Variants in TAF11 observed in about 807,000 individuals in gnomAD.
TAF11 encodes TATA-box binding protein associated factor 11.
TAF11 carries 10 observed loss-of-function variants against 23.0 expected under a neutral mutation model. That is an observed-to-expected ratio of 0.43 (90% CI 0.27 to 0.74). The LOEUF is 0.74. Ranked by LOEUF, TAF11 falls within the 30% of genes least tolerant of loss-of-function variation. The pLI is 0.19. For synonymous variants in TAF11, 85 were observed against 95.8 expected, an observed-to-expected ratio of 0.89 and a Z score of 0.66; for missense variants, 196 against 261.7, an observed-to-expected ratio of 0.75 and a Z score of 1.73.
intron 2 of TAF11, among the ~76,000 whole-genome samples, chr6:34,882,684 A>T (rs990679404): frequency 6.6e-6 from 1 of 152,038 alleles, no homozygotes; most frequent in Non-Finnish European, 1.5e-5. Context: ...ACATAACATA[A>T]CATTAGAGAA....
intron 1 of TAF11, among the ~76,000 whole-genome samples, chr6:34,884,001 T>C (rs561818713): frequency 4.6e-5 from 7 of 152,334 alleles, no homozygotes; most frequent in African/African-American, 1.7e-4. Flanking sequence ...AGGAAGGCAG[T>C]GTGACAATTC....
chr6:34,880,320 C>A lies in TAF11; in HGVS notation c.377G>T (p.Arg126Leu). ...EQLNRYEMYR[R>L]SAFPKAAIKR... The stretch of plus-strand genomic sequence containing the variant: ...GATGGCTGCCTTAGGGAAAGCTGAG[C>A]GGCGATACATTTCATAACGGTTCAG... Residue 126 changes from arginine to leucine, a missense_variant, in exon 3 of 5, where the codon CGC (arginine) becomes CTC (leucine). Physicochemically the swap from Arg to Leu is moderately radical, Grantham distance 102 (BLOSUM62 -2). Transcript: ENST00000361288. This position sits in a 1 kb window ranked among gnomAD's most constrained non-coding sequence, Gnocchi z 4.8. 1 of 1,613,988 alleles carries A rather than the reference C, an allele frequency of 6.2e-7. No individual in the cohort carries two copies. Among genetic ancestry groups the A allele is most frequent in the Non-Finnish European group, 8.5e-7 (1 of 1,180,004 alleles).
chr6:34,883,194 T>C, intron 1 of TAF11, 114 bp from the exon 2 acceptor site: 1 of 1,085,984 alleles, frequency 9.2e-7, no homozygotes, highest in Non-Finnish European at 1.3e-6. Flanking sequence ...GAGTAGTTTT[T>C]CAGTTCTAGG....
At chr6:34,886,410 CAAAA>C (rs201715300) in intron 1 of TAF11, among the ~76,000 whole-genome samples, 1 of 151,612 alleles carries the variant, frequency 6.6e-6, no homozygotes. Context: ...AAAAAACAAA[CAAAA>C]AACCTGCCTT....
intron 4 of TAF11, chr6:34,879,484 A>G: frequency 1.0e-6 from 1 of 973,508 alleles, no homozygotes. Context: ...AAAAAATAAT[A>G]ATAATTTAAA....
Position 34,878,432 on chromosome 6 carries a change from T to G in TAF11, c.*158A>C. 1.6e-6 allele frequency: 1 copy of G among 636,736 alleles called. No homozygotes were observed. Among genetic ancestry groups the G allele is most frequent in the South Asian group, 1.9e-5 (1 of 53,198 alleles). 39.4% of individuals were successfully genotyped at this position (636,736 alleles called of 1,614,324 possible). A position where few individuals can be genotyped will look rare whatever the true frequency, so the allele number is the denominator to read the frequency against. On this transcript the variant is annotated 3_prime_UTR_variant, in exon 5 of 5. Coordinates refer to ENST00000361288, the MANE Select transcript of TAF11 (RefSeq NM_005643.4). ...CAAGTATCAATCAGGCTACATACTT[T>G]CTAGGTGTGACAAATATCAGAGTTT...
intron 1 of TAF11, among the ~76,000 whole-genome samples, chr6:34,883,724 T>G (rs997223258): frequency 1.3e-5 from 2 of 152,220 alleles, no homozygotes; most frequent in East Asian, 1.9e-4. Flanking sequence ...TTATGCTGGA[T>G]GTTTAATAAA....
intron 1 of TAF11, among the ~76,000 whole-genome samples, chr6:34,884,209 A>G (rs1766492134): frequency 6.6e-6 from 1 of 152,258 alleles, no homozygotes. Context: ...TGTATTTTCC[A>G]GTATACACCA....
At position 34,878,361 on chromosome 6, in the gene TAF11, T is replaced by TTAAA. The variant is rs1187395241; in HGVS notation, c.*225_*228dup. The TTAAA allele has an allele frequency of 1.1e-5, 6 of 522,762 alleles. No individual in the cohort carries two copies. The highest frequency in any genetic ancestry group is 7.6e-5 in the African/African-American group (4 of 52,784). The allele number at this position is 522,762 out of a possible 1,614,324, so 32.4% of individuals were successfully genotyped here. ...ATCTTCTTCCAACTGGTCAAGACAG[T>TTAAA]TAAATACTTCAAAATGCCCCAAGAG... On this transcript the variant is annotated 3_prime_UTR_variant, in exon 5 of 5. Coordinates refer to ENST00000361288, the MANE Select transcript of TAF11 (RefSeq NM_005643.4).
rs1249310894 is a variant in TAF11, at chr6:34,877,488, AAAC to A, written c.*1099_*1101del. The A allele has an allele frequency of 6.6e-6, 1 of 152,636 alleles. No individual in the cohort carries two copies. Among genetic ancestry groups the A allele is most frequent in the African/African-American group, 2.4e-5 (1 of 41,452 alleles). 9.5% of individuals were successfully genotyped at this position (152,636 alleles called of 1,614,324 possible). On this transcript the variant is annotated 3_prime_UTR_variant, in exon 5 of 5. Coordinates refer to ENST00000361288, the MANE Select transcript of TAF11 (RefSeq NM_005643.4). ...TACTGGTTCTGTGAACCACCTGAAA[AAAC>A]AAATTAAATGTATTAAACCATAATG... is the stretch of plus-strand genomic sequence containing the variant.
Position 34,880,361 on chromosome 6 carries a change from AG to A in TAF11, c.335del (p.Ser112PhefsTer7), listed in dbSNP as rs1411657303. Reference protein sequence around the residue: ...EIQKMQILVSSFSEEQLNRYE... With the variant: ...EIQKMQILVSXFSEEQLNRYE... ...AACGGTTCAGCTGCTCCTCAGAAAAAGAAGAAACCAGGATTCTAAACAAAGA... is the reference window on the plus strand; with the variant it reads ...AACGGTTCAGCTGCTCCTCAGAAAAAAAGAAACCAGGATTCTAAACAAAGA... On this transcript the variant is annotated frameshift_variant, in exon 3 of 5. Transcript: ENST00000361288. LOFTEE classifies it high-confidence loss of function. This position sits in a 1 kb window ranked among gnomAD's most constrained non-coding sequence, Gnocchi z 4.8. The A allele has an allele frequency of 1.2e-6, 2 of 1,614,070 alleles. No individual in the cohort carries two copies. Among genetic ancestry groups the A allele is most frequent in the South Asian group, 2.2e-5 (2 of 91,070 alleles).
chr6:34,885,121 A>G (rs1197837202), intron 1 of TAF11, among the ~76,000 whole-genome samples: 1 of 147,492 alleles, frequency 6.8e-6, no homozygotes, highest in African/African-American at 2.6e-5. Flanking sequence ...TTTCTCCCCC[A>G]GACTCGCTCT....
rs1222903736 is a variant in TAF11, at chr6:34,878,728, G to A, written c.506-8C>T. Reference sequence around the variant, plus strand: ...TCTCACACACATCCAGTGCTAAACAGAGGGTAAGGAGAAAGTCTGATTATC... The same window carrying A: ...TCTCACACACATCCAGTGCTAAACAAAGGGTAAGGAGAAAGTCTGATTATC... On this transcript the variant is annotated splice_polypyrimidine_tract_variant and splice_region_variant and intron_variant, in intron 4 of 4. Coordinates refer to ENST00000361288, the MANE Select transcript of TAF11 (RefSeq NM_005643.4). 6.2e-7 allele frequency: 1 copy of A among 1,612,594 alleles called. No individual in the cohort carries two copies. The highest frequency in any genetic ancestry group is 8.5e-7 in the Non-Finnish European group (1 of 1,178,840).
chr6:34,879,841 C>G, intron 4 of TAF11, 126 bp downstream of exon 4: 1 of 1,458,858 alleles, frequency 6.9e-7, no homozygotes, highest in East Asian at 2.5e-5. Context: ...AAGGGCTCCC[C>G]ACTTGGTCAA....
rs1456834646 is a variant in TAF11, at chr6:34,880,223, A to G, written c.408+66T>C. The G allele has an allele frequency of 1.3e-6, 2 of 1,574,852 alleles. No homozygotes were observed. Among genetic ancestry groups the G allele is most frequent in the Non-Finnish European group, 1.7e-6 (2 of 1,146,942 alleles). On this transcript the variant is annotated intron_variant, in intron 3 of 4. Transcript: ENST00000361288. The surrounding 1 kb of genome is among the most constrained non-coding windows in gnomAD (Gnocchi z 4.8). ...GTCTAACACCTCACTTCAAATGCCA[A>G]TGGACATGGCTCTTGAGTTCAGTTC...
rs1466039051 is a variant in TAF11, at chr6:34,878,739, G to A, written c.506-19C>T. Reference sequence around the variant, plus strand: ...TCCAGTGCTAAACAGAGGGTAAGGAGAAAGTCTGATTATCACACAATAATT... The same window carrying A: ...TCCAGTGCTAAACAGAGGGTAAGGAAAAAGTCTGATTATCACACAATAATT... On this transcript the variant is annotated intron_variant, in intron 4 of 4. Transcript: ENST00000361288. 6.2e-7 allele frequency: 1 copy of A among 1,607,862 alleles called. No individual in the cohort carries two copies. The highest frequency in any genetic ancestry group is 1.1e-5 in the South Asian group (1 of 90,880).
chr6:34,882,885 G>T, intron 2 of TAF11, 47 bp downstream of exon 2: 1 of 1,542,838 alleles, frequency 6.5e-7, no homozygotes, highest in South Asian at 1.3e-5. Flanking sequence ...AAATTTGTGT[G>T]GTCAAGTGAG....
chr6:34,885,897 G>A (rs948591702), intron 1 of TAF11, among the ~76,000 whole-genome samples: 3 of 152,160 alleles, frequency 2.0e-5, no homozygotes, highest in African/African-American at 7.2e-5. Flanking sequence ...CGAGGCGGAT[G>A]GATCATGAGG....
At chr6:34,878,847 C>CT (rs1193506159) in intron 4 of TAF11, 127 bp from the exon 5 acceptor site, 1 of 805,036 alleles carries the variant, frequency 1.2e-6, no homozygotes, top group Non-Finnish European at 2.0e-6. Context: ...GACATTTTTC[C>CT]TTTTTAAGAG....
Sources: gnomAD v4.1 joint callset for allele counts (sites outside exome capture counted in the v4.1 genomes callset) on GRCh38, gnomAD v4.1.1 for gene constraint, Gnocchi (gnomAD v3.1) non-coding constraint, MANE v1.5 for transcripts, NCBI Gene and HGNC (gene_info 2026-07-23, HGNC 2026-07-21) for gene names.